GNG2: variants seen among roughly 807,000 people sequenced by gnomAD.
GNG2 encodes the protein guanine nucleotide-binding protein G(I)/G(S)/G(O) subunit gamma-2.
A neutral mutation model predicts 5.5 loss-of-function variants in GNG2; 5 were observed. That is an observed-to-expected ratio of 0.91 (90% confidence interval 0.48 to 1.92). The LOEUF (loss-of-function observed/expected upper bound fraction) is 1.92, where lower values mean the gene tolerates loss of function less well. GNG2 is among the 30% of genes most tolerant of loss of function. The probability of loss-of-function intolerance (pLI) is 0.01; values close to 1 mark genes in which losing one functional copy is unlikely to be tolerated. For missense variants in GNG2, 55 were observed against 88.4 expected, an observed-to-expected ratio of 0.62 and a Z score of 1.52; for synonymous variants, 28 against 32.0, an observed-to-expected ratio of 0.88 and a Z score of 0.42.
rs575087566 is a variant in GNG2 at position 51,838,453 on chromosome 14, A to G, written c.64+10646A>G. Among the ~76,000 whole-genome samples the G allele has an allele frequency of 1.5e-4, 22 of 151,262 alleles. No homozygotes were observed. In the South Asian group the frequency reaches 3.5e-3, roughly 24 times the overall value. On this transcript the variant is annotated intron_variant, in intron 2 of 3. Transcript: ENST00000553432. The stretch of plus-strand genomic sequence containing the variant: ...AGCGAGACTCTGTCTCAAAAAAAAA[A>G]GGGGGGGTTATTAATCCCATTTACA...
intron 2 of GNG2, among the ~76,000 whole-genome samples, chr14:51,889,054 TG>T (rs1884653502): frequency 6.7e-6 from 1 of 149,612 alleles, no homozygotes; most frequent in East Asian, 2.0e-4. Flanking sequence ...GGTTTCAGAC[TG>T]GGGGAGAGGG....
chr14:51,929,999 A>T (rs191109504), intron 2 of GNG2, among the ~76,000 whole-genome samples: 1 of 152,300 alleles, frequency 6.6e-6, no homozygotes, highest in Admixed American at 6.5e-5. Context: ...TAGAAATTCC[A>T]TAATGTTTCT....
chr14:51,922,318 G>A (rs1210198870), intron 2 of GNG2, among the ~76,000 whole-genome samples: 1 of 152,180 alleles, frequency 6.6e-6, no homozygotes, highest in African/African-American at 2.4e-5. Context: ...AAAAGGAAAA[G>A]GAGAAGAAGA....
In GNG2 at chr14:51,950,708, A is replaced by G. The variant is rs770404535; in HGVS notation, c.30A>G (p.Ala10=). The G allele has an allele frequency of 8.7e-6, 14 of 1,612,374 alleles. No individual in the cohort carries two copies. Among genetic ancestry groups the G allele is most frequent in the Non-Finnish European group, 1.2e-5 (14 of 1,179,390 alleles). Residue 10 remains alanine (A), a synonymous_variant, in exon 3 of 4, where the codon GCA becomes GCG. Coordinates refer to ENST00000556766, the MANE Select transcript of GNG2 (RefSeq NM_053064.5). ...CCAGCAACAACACCGCCAGCATAGCACAAGCCAGGAAGCTGGTAGAGCAGC... is the reference window on the plus strand; with the variant it reads ...CCAGCAACAACACCGCCAGCATAGCGCAAGCCAGGAAGCTGGTAGAGCAGC... MASNNTASI[A]QARKLVEQLK...
At chr14:51,845,868 T>C (rs1415623360) in intron 2 of GNG2, among the ~76,000 whole-genome samples, 2 of 152,164 alleles carry the variant, frequency 1.3e-5, no homozygotes, top group Non-Finnish European at 2.9e-5. Context: ...ATGCTGGAAA[T>C]AATATTAAGA....
chr14:51,833,043 A>G (rs898750569), intron 2 of GNG2, among the ~76,000 whole-genome samples: 4 of 152,208 alleles, frequency 2.6e-5, no homozygotes, highest in African/African-American at 9.7e-5. Flanking sequence ...TCAACCTTAC[A>G]ACTCATTTCT....
At chr14:51,826,706 T>C (rs913125495) in intron 1 of GNG2, among the ~76,000 whole-genome samples, 1 of 152,152 alleles carries the variant, frequency 6.6e-6, no homozygotes, top group Admixed American at 6.5e-5. Context: ...GAGTAAAATA[T>C]AGAAAGAAAT....
chr14:51,879,117 C>A (rs151005672), intron 2 of GNG2, among the ~76,000 whole-genome samples: 2,279 of 152,322 alleles, frequency 0.015, 21 homozygotes, highest in Non-Finnish European at 0.022. Context: ...TGTCTTTGCA[C>A]ACAAATTTAA....
chr14:51,948,087 G>A (rs1368263195), intron 2 of GNG2, among the ~76,000 whole-genome samples: 1 of 152,210 alleles, frequency 6.6e-6, no homozygotes. Flanking sequence ...GCAGGAGGAA[G>A]GAGAGACAAG....
At chr14:51,875,953 T>TTTTTTTTTTTTTC (rs1594863701) in intron 1 of GNG2, among the ~76,000 whole-genome samples, 1 of 151,068 alleles carries the variant, frequency 6.6e-6, no homozygotes, top group Non-Finnish European at 1.5e-5. Context: ...TTTTCTTTTT[T>TTTTTTTTTTTTTC]CCGAGACAGA....
intron 2 of GNG2, among the ~76,000 whole-genome samples, chr14:51,829,768 A>G (rs1036583132): frequency 2.0e-5 from 3 of 151,698 alleles, no homozygotes; most frequent in African/African-American, 7.3e-5. Flanking sequence ...AGAGACATCC[A>G]CTGCTAAACC....
intron 2 of GNG2, among the ~76,000 whole-genome samples, chr14:51,914,473 A>T (rs185993444): frequency 5.3e-4 from 81 of 152,324 alleles, no homozygotes; most frequent in African/African-American, 1.8e-3. Context: ...GGTTTGGTAA[A>T]TCATCTTGGG....
intron 2 of GNG2, among the ~76,000 whole-genome samples, chr14:51,941,212 G>A (rs1431891156): frequency 6.6e-6 from 1 of 152,164 alleles, no homozygotes; most frequent in African/African-American, 2.4e-5. Context: ...GTTATGGTAT[G>A]AGCAATTAAC....
At chr14:51,829,928 C>T (rs775638933) in intron 2 of GNG2, among the ~76,000 whole-genome samples, 10 of 151,710 alleles carry the variant, frequency 6.6e-5, no homozygotes, top group East Asian at 1.9e-4. Flanking sequence ...CTGCAACTTC[C>T]GCCTCCTGGG....
chr14:51,896,773 T>C (rs912304275), intron 2 of GNG2, among the ~76,000 whole-genome samples: 1 of 152,090 alleles, frequency 6.6e-6, no homozygotes, highest in African/African-American at 2.4e-5. Context: ...ATGGCCAAAA[T>C]ATAACAATCA....
chr14:51,833,604 T>C (rs1881254876), intron 2 of GNG2, among the ~76,000 whole-genome samples: 1 of 152,176 alleles, frequency 6.6e-6, no homozygotes, highest in Non-Finnish European at 1.5e-5. Context: ...ATGTGGACCA[T>C]CCTAAGGAAT....
At chr14:51,897,963 G>A (rs1885311410) in intron 2 of GNG2, among the ~76,000 whole-genome samples, 1 of 152,204 alleles carries the variant, frequency 6.6e-6, no homozygotes, top group Non-Finnish European at 1.5e-5. Flanking sequence ...TATCAGCAGA[G>A]AAACCCTCTG....
intron 2 of GNG2, among the ~76,000 whole-genome samples, chr14:51,932,271 AAG>A (rs796128916): frequency 4.6e-4 from 44 of 96,306 alleles, no homozygotes; most frequent in South Asian, 6.9e-4. Flanking sequence ...AAAAAAAAAA[AAG>A]AAAAGAAAAT....
At chr14:51,888,780 G>T (rs1180844623) in intron 2 of GNG2, among the ~76,000 whole-genome samples, 1 of 152,090 alleles carries the variant, frequency 6.6e-6, no homozygotes, top group Non-Finnish European at 1.5e-5. Flanking sequence ...GCTGGAATCT[G>T]GTTCTTTCTG....
Sources: allele counts gnomAD v4.1 joint callset (sites outside exome capture counted in the v4.1 genomes callset), GRCh38; gene constraint gnomAD v4.1.1; transcripts MANE v1.5; gene names NCBI Gene and HGNC (gene_info 2026-07-23, HGNC 2026-07-21).